The following NLGN1 variants were observed in gnomAD, a reference collection of about 807,000 sequenced individuals.
NLGN1 encodes the protein neuroligin 1.
Under a neutral mutation model 65.5 loss-of-function variants are expected in NLGN1, and 12 were observed. That is an observed-to-expected ratio of 0.18 (90% CI 0.12 to 0.30). The LOEUF (loss-of-function observed/expected upper bound fraction) is 0.30, where lower values mean the gene tolerates loss of function less well. Among genes scored for constraint, NLGN1 ranks in the 10% least tolerant of loss-of-function variants. The pLI is 1.00. For missense variants in NLGN1, 750 were observed against 1,007.1 expected (o/e 0.74, Z 3.46); for synonymous variants, 350 against 359.5 (o/e 0.97, Z 0.30).
intron 2 of NLGN1, among the ~76,000 whole-genome samples, chr3:173,505,934 A>G (rs57551973): frequency 0.012 from 1,766 of 152,202 alleles, 26 homozygotes; most frequent in African/African-American, 0.04. Context: ...TTGTATGTAT[A>G]TATGTTTAAT....
At chr3:173,758,677 C>T (rs1000584887) in intron 3 of NLGN1, among the ~76,000 whole-genome samples, 17 of 151,924 alleles carry the variant, frequency 1.1e-4, no homozygotes, top group African/African-American at 2.9e-4. Context: ...AACTTTACAT[C>T]GCCAAAAATG....
At chr3:173,771,898 A>G (rs1422610300) in intron 3 of NLGN1, among the ~76,000 whole-genome samples, 2 of 151,956 alleles carry the variant, frequency 1.3e-5, no homozygotes, top group Admixed American at 6.6e-5. Flanking sequence ...AGATCCTAAG[A>G]TAGCTGAGAA....
At chr3:174,040,485 C>T (rs932882470) in intron 4 of NLGN1, among the ~76,000 whole-genome samples, 10 of 151,966 alleles carry the variant, frequency 6.6e-5, no homozygotes, top group Non-Finnish European at 1.5e-5. Context: ...TCATTAAAGA[C>T]CAAATTTGTG....
chr3:174,250,493 A>G (rs549888926), intron 4 of NLGN1, among the ~76,000 whole-genome samples: 3 of 152,328 alleles, frequency 2.0e-5, no homozygotes, highest in Admixed American at 1.3e-4. Flanking sequence ...AAGAGCGAGC[A>G]TCTGTTGCAG....
At chr3:173,589,955 A>C (rs1376095950) in intron 2 of NLGN1, among the ~76,000 whole-genome samples, 2 of 152,184 alleles carry the variant, frequency 1.3e-5, no homozygotes, top group Non-Finnish European at 2.9e-5. Context: ...AAGATCAACA[A>C]GTTCAAACAT....
intron 2 of NLGN1, among the ~76,000 whole-genome samples, chr3:173,445,668 T>G (rs1278086437): frequency 6.6e-6 from 1 of 152,240 alleles, no homozygotes; most frequent in Non-Finnish European, 1.5e-5. Flanking sequence ...GGCTTCAGAT[T>G]GCTAAAACTT....
At chr3:173,638,436 G>C (rs1445658446) in intron 3 of NLGN1, among the ~76,000 whole-genome samples, 1 of 150,430 alleles carries the variant, frequency 6.6e-6, no homozygotes, top group South Asian at 2.1e-4. Flanking sequence ...CTTATTAAAA[G>C]AGGTATTTAA....
chr3:173,902,484 TGATAGTTATTCTTAC>T (rs1737548420), intron 4 of NLGN1, among the ~76,000 whole-genome samples: 1 of 152,142 alleles, frequency 6.6e-6, no homozygotes, highest in Non-Finnish European at 1.5e-5. Flanking sequence ...CAACATTTCA[TGATAGTTATTCTTAC>T]GTAGAGTTTC....
intron 4 of NLGN1, among the ~76,000 whole-genome samples, chr3:174,229,395 T>C (rs1236548095): frequency 6.6e-6 from 1 of 152,114 alleles, no homozygotes; most frequent in African/African-American, 2.4e-5. Flanking sequence ...ATAATATACA[T>C]TCATCCTCTT....
intron 4 of NLGN1, among the ~76,000 whole-genome samples, chr3:174,004,950 G>T (rs1004429934): frequency 6.6e-6 from 1 of 151,924 alleles, no homozygotes; most frequent in Admixed American, 6.6e-5. Context: ...TATTACTTCT[G>T]CAGGAAATGA....
chr3:173,645,977 C>T (rs1758198298), intron 3 of NLGN1, among the ~76,000 whole-genome samples: 1 of 152,116 alleles, frequency 6.6e-6, no homozygotes, highest in African/African-American at 2.4e-5. Context: ...GTTCTGCCCT[C>T]CCCCTTTTCC....
chr3:173,511,815 C>T (rs1733025924), intron 2 of NLGN1, among the ~76,000 whole-genome samples: 1 of 152,140 alleles, frequency 6.6e-6, no homozygotes, highest in African/African-American at 2.4e-5. Context: ...TTTCATCTCT[C>T]TGCTTACATT....
At chr3:173,478,525 A>G (rs1726659598) in intron 2 of NLGN1, among the ~76,000 whole-genome samples, 1 of 152,198 alleles carries the variant, frequency 6.6e-6, no homozygotes, top group Non-Finnish European at 1.5e-5. Context: ...AAACCTGTAC[A>G]TCCTACACAT....
At chr3:173,473,938 C>G (rs1725750125) in intron 2 of NLGN1, among the ~76,000 whole-genome samples, 1 of 152,160 alleles carries the variant, frequency 6.6e-6, no homozygotes, top group Admixed American at 6.5e-5. Flanking sequence ...AGTAATTTGG[C>G]ACAGGGCTGC....
At chr3:173,506,998 A>G (rs1221870096) in intron 2 of NLGN1, among the ~76,000 whole-genome samples, 1 of 152,146 alleles carries the variant, frequency 6.6e-6, no homozygotes, top group Non-Finnish European at 1.5e-5. Context: ...CTTAATGTGC[A>G]GTATTCTTTT....
chr3:173,421,464 C>A (rs1715029898), intron 1 of NLGN1, among the ~76,000 whole-genome samples: 1 of 151,446 alleles, frequency 6.6e-6, no homozygotes, highest in South Asian at 2.1e-4. Context: ...CTCAGGTATT[C>A]CAACAAAGTC....
At chr3:174,241,312 T>C (rs1238036638) in intron 4 of NLGN1, among the ~76,000 whole-genome samples, 2 of 152,082 alleles carry the variant, frequency 1.3e-5, no homozygotes, top group Non-Finnish European at 2.9e-5. Flanking sequence ...ATTTTTTCTT[T>C]TTCAGGTTTT....
chr3:173,604,592 T>C (rs1046538519), exon 3 of NLGN1: 1 of 1,612,330 alleles, frequency 6.2e-7, no homozygotes, highest in African/African-American at 1.3e-5. Context: ...ACAACTAATG[T>C]GGGACCATGG....
intron 1 of NLGN1, among the ~76,000 whole-genome samples, chr3:173,422,162 C>CACACACACAA (rs1715214836): frequency 6.6e-6 from 1 of 151,836 alleles, no homozygotes; most frequent in African/African-American, 2.4e-5. Flanking sequence ...CACACACACA[C>CACACACACAA]ATACACACAA....
Sources: gnomAD v4.1 joint callset for allele counts (sites outside exome capture counted in the v4.1 genomes callset) on GRCh38, gnomAD v4.1.1 for gene constraint, MANE v1.5 for transcripts, NCBI Gene and HGNC (gene_info 2026-07-23, HGNC 2026-07-21) for gene names.